DPF3: variants seen among roughly 807,000 people sequenced by gnomAD.
DPF3 encodes zinc finger protein DPF3.
In DPF3, 18 loss-of-function variants were observed where a neutral mutation model predicts 56.8. The ratio of observed to expected loss-of-function variants is 0.32; its 90% CI spans 0.22 to 0.47. The LOEUF (loss-of-function observed/expected upper bound fraction) is 0.47. Among genes scored for constraint, DPF3 ranks in the 20% least tolerant of loss-of-function variants. The probability of loss-of-function intolerance (pLI) is 1.00; values close to 1 mark genes in which losing one functional copy is unlikely to be tolerated. For synonymous variants in DPF3, 188 were observed against 180.2 expected (o/e 1.04, Z -0.35); for missense variants, 403 against 488.8 (o/e 0.82, Z 1.65).
At chr14:72,629,282 G>T (rs1386079366) in intron 9 of DPF3, among the ~76,000 whole-genome samples, 2 of 152,134 alleles carry the variant, frequency 1.3e-5, no homozygotes, top group Non-Finnish European at 2.9e-5. Flanking sequence ...GCTGGTGATG[G>T]TTTACATCAA....
At chr14:72,893,955 C>G (rs1599533115) in intron 1 of DPF3, 102 bp downstream of exon 1, 1 of 1,379,680 alleles carries the variant, frequency 7.2e-7, no homozygotes. Context: ...CGGCTGGAGG[C>G]GCCTGCAAGC....
At chr14:72,815,153 A>G (rs1883229596) in intron 1 of DPF3, among the ~76,000 whole-genome samples, 1 of 152,180 alleles carries the variant, frequency 6.6e-6, no homozygotes, top group Non-Finnish European at 1.5e-5. Context: ...AAATGACTCC[A>G]TTTCTTTTAA....
intron 1 of DPF3, among the ~76,000 whole-genome samples, chr14:72,820,422 G>A (rs1399567814): frequency 6.6e-6 from 1 of 152,064 alleles, no homozygotes; most frequent in Non-Finnish European, 1.5e-5. Flanking sequence ...CCTATCAAAT[G>A]AGTTTTTTTG....
At chr14:72,740,170 CA>C (rs1890066914) in intron 3 of DPF3, among the ~76,000 whole-genome samples, 1 of 152,102 alleles carries the variant, frequency 6.6e-6, no homozygotes, top group African/African-American at 2.4e-5. Context: ...CACGGTGAGC[CA>C]GGGGGATGGT....
chr14:72,741,993 G>A (rs1890140809), intron 3 of DPF3, among the ~76,000 whole-genome samples: 1 of 152,238 alleles, frequency 6.6e-6, no homozygotes, highest in Non-Finnish European at 1.5e-5. Context: ...CAGCAGAGCT[G>A]GGGAACACGA....
chr14:72,754,839 C>T (rs991787432), intron 2 of DPF3, among the ~76,000 whole-genome samples: 19 of 152,220 alleles, frequency 1.2e-4, no homozygotes, highest in Admixed American at 3.9e-4. Context: ...AACCAAAATA[C>T]TCAGGTCTCT....
chr14:72,733,322 A>C (rs1320471217), intron 3 of DPF3, among the ~76,000 whole-genome samples: 1 of 152,026 alleles, frequency 6.6e-6, no homozygotes, highest in Non-Finnish European at 1.5e-5. Flanking sequence ...GGGTATTGAG[A>C]GTTTAGTGTA....
In DPF3 at chr14:72,611,474, G is replaced by A. The variant is rs892535766; in HGVS notation, c.*7823C>T. 6.6e-6 allele frequency among the ~76,000 whole-genome samples: 1 copy of A among 152,116 alleles called. No individual in the cohort carries two copies. Among genetic ancestry groups the A allele is most frequent in the African/African-American group, 2.4e-5 (1 of 41,426 alleles). On this transcript the variant is annotated 3_prime_UTR_variant, in exon 11 of 11. Transcript: ENST00000556509. The stretch of plus-strand genomic sequence containing the variant: ...AGGCGTGGGGCAGCTGACCTTGCTG[G>A]GGTCTGGTGGAGTGTGCCCAATCTG...
intron 1 of DPF3, among the ~76,000 whole-genome samples, chr14:72,782,451 C>G (rs751054864): frequency 6.6e-6 from 1 of 152,130 alleles, no homozygotes; most frequent in Non-Finnish European, 1.5e-5. Context: ...TCTGGAACTC[C>G]GGGGCTCAAG....
chr14:72,784,716 T>C (rs1892137970), intron 1 of DPF3, among the ~76,000 whole-genome samples: 1 of 152,106 alleles, frequency 6.6e-6, no homozygotes, highest in Non-Finnish European at 1.5e-5. Context: ...CCTAACACTT[T>C]GGGAGGCCAA....
chr14:72,741,983 CAGCAGAGCTGGGGAACACG>C (rs1393885743), intron 3 of DPF3, among the ~76,000 whole-genome samples: 1 of 152,262 alleles, frequency 6.6e-6, no homozygotes, highest in South Asian at 2.1e-4. Flanking sequence ...TGCAGAACAC[CAGCAGAGCTGGGGAACACG>C]AGCAGAGCTG....
chr14:72,685,114 T>C (rs901270074), intron 7 of DPF3, among the ~76,000 whole-genome samples: 2 of 152,246 alleles, frequency 1.3e-5, no homozygotes, highest in African/African-American at 2.4e-5. Context: ...CGATGGAATT[T>C]TGTTAAGACA....
At chr14:72,643,735 A>G in intron 8 of DPF3, among the ~76,000 whole-genome samples, 1 of 152,224 alleles carries the variant, frequency 6.6e-6, no homozygotes, top group South Asian at 2.1e-4. Context: ...AGCCTCTGAG[A>G]GGAGCACAAA....
chr14:72,833,271 C>G (rs2332922), intron 1 of DPF3, among the ~76,000 whole-genome samples: 98,561 of 151,874 alleles, frequency 0.65, 32,577 homozygotes, highest in East Asian at 0.89. Context: ...CTGAGAGAGA[C>G]AGAAAGGATC....
chr14:72,768,440 T>C (rs1038465326), intron 2 of DPF3, among the ~76,000 whole-genome samples: 2 of 152,166 alleles, frequency 1.3e-5, no homozygotes, highest in African/African-American at 4.8e-5. Context: ...TAGAAGTGGT[T>C]ACACAAATCT....
intron 8 of DPF3, among the ~76,000 whole-genome samples, chr14:72,637,123 C>T (rs1451540700): frequency 1.3e-5 from 2 of 152,220 alleles, no homozygotes; most frequent in Non-Finnish European, 2.9e-5. Flanking sequence ...AAGAGTATTA[C>T]GGGCACTTTT....
chr14:72,615,218 G>A lies in DPF3; in HGVS notation c.*4079C>T, dbSNP rs115297779. 0.013 allele frequency among the ~76,000 whole-genome samples: 2,039 copies of A among 152,140 alleles called. 52 individuals carry two copies. The highest frequency in any genetic ancestry group is 0.046 in the African/African-American group (1,908 of 41,504). On this transcript the variant is annotated 3_prime_UTR_variant, in exon 11 of 11. Transcript: ENST00000556509. ...GGCAGGGATGTGGTCCTCAGGGCCC[G>A]CCCTGGGCCACGGGCGGCGCAACAC...
chr14:72,815,090 A>T (rs1883227431), intron 1 of DPF3, among the ~76,000 whole-genome samples: 1 of 152,220 alleles, frequency 6.6e-6, no homozygotes, highest in East Asian at 1.9e-4. Context: ...TATATCTGAT[A>T]AAGGATGTTT....
intron 2 of DPF3, among the ~76,000 whole-genome samples, chr14:72,759,176 G>A (rs186290826): frequency 6.6e-6 from 1 of 152,018 alleles, no homozygotes; most frequent in Non-Finnish European, 1.5e-5. Flanking sequence ...CATATCAGAG[G>A]GAGTTAATGT....
Sources: gnomAD v4.1 joint callset for allele counts (sites outside exome capture counted in the v4.1 genomes callset) on GRCh38, gnomAD v4.1.1 for gene constraint, MANE v1.5 for transcripts, NCBI Gene and HGNC (gene_info 2026-07-23, HGNC 2026-07-21) for gene names.